UBR3: variants seen among roughly 807,000 people sequenced by gnomAD.
UBR3 encodes the protein ubiquitin protein ligase E3 component n-recognin 3.
Under a neutral mutation model 243.2 loss-of-function variants are expected in UBR3, and 85 were observed. The observed-to-expected ratio is 0.35, with a 90% CI of 0.29 to 0.42. The LOEUF (loss-of-function observed/expected upper bound fraction) is 0.42, where lower values mean the gene tolerates loss of function less well. Ranked by LOEUF, UBR3 falls within the 10% of genes least tolerant of loss-of-function variation. The pLI, the probability that UBR3 is intolerant of heterozygous loss-of-function variation, is 1.00. For synonymous variants in UBR3, 748 were observed against 799.8 expected (o/e 0.94, Z 1.09); for missense variants, 1,686 against 2,300.8 (o/e 0.73, Z 5.47).
Position 169,863,286 on chromosome 2 carries a change from G to T in UBR3, c.546-8950G>T, listed in dbSNP as rs567361937. ...GGGTAATGTTCTGTTTCTTGATCTT[G>T]AATTGGCATTTACATGAGTATGTTC... is the stretch of plus-strand genomic sequence containing the variant. On this transcript the variant is annotated intron_variant, in intron 1 of 38. Coordinates refer to ENST00000272793, the MANE Select transcript of UBR3 (RefSeq NM_172070.4). 3.9e-5 allele frequency among the ~76,000 whole-genome samples: 6 copies of T among 152,218 alleles called. No homozygotes were observed. The South Asian group carries it at 1.0e-3, about 26-fold the overall frequency.
In UBR3 at chr2:170,073,489, C is replaced by T; in HGVS notation, c.5081C>T (p.Thr1694Ile). 6.2e-7 allele frequency: 1 copy of T among 1,613,822 alleles called. No individual in the cohort carries two copies. The highest frequency in any genetic ancestry group is 8.5e-7 in the Non-Finnish European group (1 of 1,179,746). ...GGACTTCTGCCAACGTTTTACCAAA[C>T]AGAACATCCATTCATCAGTGCCTCC... Reference protein sequence around the residue: ...CLGLLPTFYQTEHPFISASCL... With the variant: ...CLGLLPTFYQIEHPFISASCL... Residue 1694 changes from threonine (T) to isoleucine (I), a missense_variant, in exon 36 of 39, where the codon ACA (threonine) becomes ATA (isoleucine). Physicochemically the swap from Thr to Ile is moderately conservative, Grantham distance 89. Coordinates refer to ENST00000272793, the MANE Select transcript of UBR3 (RefSeq NM_172070.4).
At chr2:169,864,253 C>T (rs868478211) in intron 1 of UBR3, among the ~76,000 whole-genome samples, 4 of 151,856 alleles carry the variant, frequency 2.6e-5, no homozygotes, top group African/African-American at 9.7e-5. Context: ...ACAGTGTTGC[C>T]CAGGCTAGAA....
intron 5 of UBR3, among the ~76,000 whole-genome samples, chr2:169,880,166 G>T (rs556718971): frequency 1.3e-5 from 2 of 152,210 alleles, no homozygotes; most frequent in South Asian, 4.1e-4. Context: ...ACCTGAGCAG[G>T]GGTCTTATAT....
intron 33 of UBR3, among the ~76,000 whole-genome samples, chr2:170,056,187 T>A (rs1245278324): frequency 6.6e-6 from 1 of 151,914 alleles, no homozygotes; most frequent in Non-Finnish European, 1.5e-5. Flanking sequence ...TTTGTATTTT[T>A]AGTAGAGACA....
intron 30 of UBR3, among the ~76,000 whole-genome samples, chr2:170,023,589 CTTTGT>C (rs973979147): frequency 1.7e-4 from 26 of 148,688 alleles, no homozygotes; most frequent in African/African-American, 6.5e-4. Flanking sequence ...TTTGTTTTTG[CTTTGT>C]TTTGTTTTGT....
At chr2:169,909,321 T>C (rs73013703) in intron 10 of UBR3, among the ~76,000 whole-genome samples, 6,627 of 152,246 alleles carry the variant, frequency 0.044, 166 homozygotes, top group Middle Eastern at 0.068. Flanking sequence ...TAAAAGATCA[T>C]TCTGTTCCTG....
At chr2:170,022,282 T>C (rs185323255) in intron 30 of UBR3, among the ~76,000 whole-genome samples, 1 of 152,244 alleles carries the variant, frequency 6.6e-6, no homozygotes, top group Non-Finnish European at 1.5e-5. Context: ...AATTATGGCA[T>C]ACTGTGCCTG....
intron 1 of UBR3, among the ~76,000 whole-genome samples, chr2:169,865,314 C>T (rs1001396427): frequency 3.9e-5 from 6 of 152,114 alleles, no homozygotes; most frequent in African/African-American, 1.4e-4. Flanking sequence ...GTTAAATGGT[C>T]AGTCCCCACA....
intron 36 of UBR3, among the ~76,000 whole-genome samples, chr2:170,078,870 A>G (rs1220933718): frequency 6.6e-6 from 1 of 152,208 alleles, no homozygotes; most frequent in Non-Finnish European, 1.5e-5. Flanking sequence ...ACAGAATGCC[A>G]TCCTTGGAGT....
chr2:169,923,944 G>T lies in UBR3; in HGVS notation c.1882G>T (p.Val628Phe). Residue 628 changes from valine (V) to phenylalanine (F), a missense_variant, in exon 12 of 39, where the codon GTC (valine) becomes TTC (phenylalanine). By Grantham distance (50) the Val-to-Phe change is conservative. Around this residue, in one of 8 missense-constraint regions of UBR3, gnomAD observed 346 missense variants for 585.8 expected, o/e 0.59. Coordinates refer to ENST00000272793, the MANE Select transcript of UBR3 (RefSeq NM_172070.4). ...TTTATTCCAGCCAGCACCTAACCAA[G>T]TCACTTTTCATCTGCCACTACATCG... is the stretch of plus-strand genomic sequence containing the variant. Reference protein sequence around the residue: ...NFVDEPAPNQVTFHLPLHRYY... With the variant: ...NFVDEPAPNQFTFHLPLHRYY... 1 of 1,547,174 alleles carries T rather than the reference G, an allele frequency of 6.5e-7. No individual in the cohort carries two copies. Among genetic ancestry groups the T allele is most frequent in the South Asian group, 1.2e-5 (1 of 82,584 alleles).
chr2:169,978,215 G>A (rs1390830318), intron 24 of UBR3, among the ~76,000 whole-genome samples: 1 of 152,170 alleles, frequency 6.6e-6, no homozygotes. Flanking sequence ...TACCCAAGGG[G>A]ATCCCTCTTG....
chr2:169,874,178 T>G (rs1187438364), intron 2 of UBR3, among the ~76,000 whole-genome samples: 2 of 152,042 alleles, frequency 1.3e-5, no homozygotes, highest in Non-Finnish European at 2.9e-5. Flanking sequence ...TCTGCCTTTT[T>G]TTTTTTTGAG....
chr2:170,070,547 C>A (rs547290872), intron 35 of UBR3, among the ~76,000 whole-genome samples: 1 of 151,966 alleles, frequency 6.6e-6, no homozygotes, highest in Non-Finnish European at 1.5e-5. Context: ...TAAAACAGTT[C>A]GTTTGCAAAT....
At chr2:169,889,189 G>A (rs1182960436) in intron 5 of UBR3, among the ~76,000 whole-genome samples, 1 of 152,090 alleles carries the variant, frequency 6.6e-6, no homozygotes, top group Non-Finnish European at 1.5e-5. Context: ...TCAGTGGTCT[G>A]TGTTTTCAGA....
rs562921777 is a variant in UBR3 at position 170,056,843 on chromosome 2, A to G, written c.4785+1259A>G. Among the ~76,000 whole-genome samples, 39 of 152,296 alleles carry G rather than the reference A, an allele frequency of 2.6e-4. 1 individual carries two copies. The highest frequency in any genetic ancestry group is 8.4e-4 in the African/African-American group (35 of 41,564). ...TATGGGTTAAGAATAATTATTTATT[A>G]TGTGTCAGTTGGCCATCAAACCCAA... On this transcript the variant is annotated intron_variant, in intron 33 of 38. Coordinates refer to ENST00000272793, the MANE Select transcript of UBR3 (RefSeq NM_172070.4).
intron 35 of UBR3, among the ~76,000 whole-genome samples, chr2:170,064,801 C>CTTTTTT (rs2091521136): frequency 3.6e-5 from 2 of 55,226 alleles, no homozygotes; most frequent in Admixed American, 1.8e-4. Context: ...TTTGCTTTTT[C>CTTTTTT]TATTTTTTTT....
intron 37 of UBR3, 85 bp downstream of exon 37, chr2:170,080,108 T>G (rs2091882114): frequency 8.2e-7 from 1 of 1,224,192 alleles, no homozygotes; most frequent in Non-Finnish European, 1.2e-6. Flanking sequence ...TCATATTAAC[T>G]ACTCTTTGAA....
At chr2:169,977,906 T>C (rs1033407881) in intron 24 of UBR3, among the ~76,000 whole-genome samples, 2 of 152,222 alleles carry the variant, frequency 1.3e-5, no homozygotes, top group African/African-American at 4.8e-5. Flanking sequence ...TTGATATCTG[T>C]ACATCTTGTG....
chr2:169,906,038 C>G lies in UBR3; in HGVS notation c.1653C>G (p.Asn551Lys). Residue 551 changes from asparagine to lysine, a missense_variant, in exon 10 of 39, where the codon AAC (asparagine) becomes AAG (lysine). By Grantham distance (94) the Asn-to-Lys change is moderately conservative (BLOSUM62 0). This residue lies in a region of UBR3 where 346 missense variants were observed against 585.8 expected (regional missense o/e 0.59). Coordinates refer to ENST00000272793, the MANE Select transcript of UBR3 (RefSeq NM_172070.4). ...TGCTTTAATTTTTGCCAGGTATGAA[C>G]TTAAACAAGCGAGAACTAAACGAGC... ...MNFVSFFQGMNLNKRELNEHV... is the reference protein window; with the variant it reads ...MNFVSFFQGMKLNKRELNEHV... The G allele has an allele frequency of 6.4e-7, 1 of 1,550,440 alleles. No individual in the cohort carries two copies. Among genetic ancestry groups the G allele is most frequent in the Middle Eastern group, 1.7e-4 (1 of 5,984 alleles).
Sources: allele counts gnomAD v4.1 joint callset (sites outside exome capture counted in the v4.1 genomes callset), GRCh38; gene constraint gnomAD v4.1.1; regional missense constraint gnomAD v4.1.1; transcripts MANE v1.5; gene names NCBI Gene and HGNC (gene_info 2026-07-23, HGNC 2026-07-21).